ACSM3: variants seen among roughly 807,000 people sequenced by gnomAD.
The protein encoded by ACSM3 is acyl-coenzyme A synthetase ACSM3, mitochondrial.
Under a neutral mutation model 74.1 loss-of-function variants are expected in ACSM3, and 61 were observed. That is an observed-to-expected ratio of 0.82 (90% confidence interval 0.67 to 1.02). The LOEUF is 1.02. Ranked by LOEUF, ACSM3 falls within the 50% of genes least tolerant of loss-of-function variation. The pLI, the probability that ACSM3 is intolerant of heterozygous loss-of-function variation, is 0.00. For missense variants in ACSM3, 660 were observed against 697.0 expected (o/e 0.95, Z 0.60); for synonymous variants, 213 against 241.5 (o/e 0.88, Z 1.09).
chr16:20,790,746 AT>A lies in ACSM3; in HGVS notation c.1326+59del. ...TTTATTTCTCAAGTGCTTGGTAACA[AT>A]CCCTGTTTGCCACAAAACATACCTA... On this transcript the variant is annotated intron_variant, in intron 10 of 13. Coordinates refer to ENST00000289416, the MANE Select transcript of ACSM3 (RefSeq NM_005622.4). This position sits in a 1 kb window ranked among gnomAD's most constrained non-coding sequence, Gnocchi z 4.0. 1 of 1,613,686 alleles carries A rather than the reference AT, an allele frequency of 6.2e-7. No homozygotes were observed. The highest frequency in any genetic ancestry group is 8.5e-7 in the Non-Finnish European group (1 of 1,179,660).
intron 12 of ACSM3, chr16:20,796,044 CTTG>C (rs2080715880): frequency 4.9e-6 from 1 of 203,232 alleles, no homozygotes; most frequent in South Asian, 1.5e-4. Context: ...TCTTCACAGC[CTTG>C]TATAAAGACT....
intron 4 of ACSM3, 142 bp from the exon 5 acceptor site, chr16:20,780,572 T>G: frequency 6.4e-7 from 1 of 1,568,426 alleles, no homozygotes; most frequent in Admixed American, 1.7e-5. Context: ...GTGATGGCTT[T>G]TACCCTGTAA....
chr16:20,794,073 T>C (rs1317127749), intron 12 of ACSM3, among the ~76,000 whole-genome samples: 3 of 152,122 alleles, frequency 2.0e-5, no homozygotes, highest in African/African-American at 7.2e-5. Context: ...TAGTAGAAGA[T>C]GTGAGTGGGT....
At chr16:20,730,827 T>C (rs1020890732) in intron 1 of ACSM3, among the ~76,000 whole-genome samples, 12 of 152,188 alleles carry the variant, frequency 7.9e-5, no homozygotes, top group African/African-American at 2.7e-4. Context: ...CTTATAGAGA[T>C]AGATCAATCT....
chr16:20,716,844 C>T (rs3848254), intron 1 of ACSM3, among the ~76,000 whole-genome samples: 19,811 of 152,152 alleles, frequency 0.13, 1,361 homozygotes, highest in East Asian at 0.21. Context: ...GTAGCCCCCA[C>T]GGCCTGGTAT....
intron 1 of ACSM3, among the ~76,000 whole-genome samples, chr16:20,722,850 T>C (rs2079790580): frequency 1.3e-5 from 2 of 152,164 alleles, no homozygotes; most frequent in African/African-American, 4.8e-5. Flanking sequence ...CCAACAGACA[T>C]ACAGTCATTA....
intron 1 of ACSM3, among the ~76,000 whole-genome samples, chr16:20,748,372 A>T (rs1050097614): frequency 6.6e-6 from 1 of 152,122 alleles, no homozygotes; most frequent in African/African-American, 2.4e-5. Flanking sequence ...TTAAGAATAT[A>T]TTTTAGGGGT....
intron 1 of ACSM3, among the ~76,000 whole-genome samples, chr16:20,684,584 A>T (rs1469609131): frequency 2.0e-5 from 3 of 152,242 alleles, no homozygotes; most frequent in African/African-American, 7.2e-5. Context: ...TATATTCTAC[A>T]ATACAACTTG....
At chr16:20,717,794 G>A (rs1014194643) in intron 1 of ACSM3, among the ~76,000 whole-genome samples, 17 of 151,070 alleles carry the variant, frequency 1.1e-4, no homozygotes, top group Non-Finnish European at 2.4e-4. Flanking sequence ...TAGGCTATAG[G>A]GAGATGAAGC....
At chr16:20,737,093 A>G in intron 1 of ACSM3, 1 of 1,613,772 alleles carries the variant, frequency 6.2e-7, no homozygotes, top group Non-Finnish European at 8.5e-7. Flanking sequence ...CTTCTTTCCC[A>G]TTTCCCTGCT....
At chr16:20,788,346 T>C (rs745911225) in intron 9 of ACSM3, among the ~76,000 whole-genome samples, 8 of 152,230 alleles carry the variant, frequency 5.3e-5, no homozygotes, top group Non-Finnish European at 1.0e-4. Context: ...ATCAGGGTCT[T>C]ACAGGCACAG....
chr16:20,719,909 G>T (rs1212339619), intron 1 of ACSM3, among the ~76,000 whole-genome samples: 1 of 152,232 alleles, frequency 6.6e-6, no homozygotes, highest in Non-Finnish European at 1.5e-5. Context: ...GCTAGATTGA[G>T]ATATCAGATA....
upstream of ACSM3, among the ~76,000 whole-genome samples, chr16:20,762,135 A>G (rs537551382): frequency 6.6e-6 from 1 of 152,304 alleles, no homozygotes; most frequent in South Asian, 2.1e-4. Context: ...CTCCTGCTCA[A>G]AAACTTGCCT....
intron 1 of ACSM3, among the ~76,000 whole-genome samples, chr16:20,712,287 A>G (rs1274054557): frequency 6.6e-6 from 1 of 152,166 alleles, no homozygotes; most frequent in Admixed American, 6.6e-5. Context: ...GATATTTGCT[A>G]TCTGGCCCTT....
intron 1 of ACSM3, chr16:20,741,743 G>A (rs1460080867): frequency 1.2e-5 from 19 of 1,565,462 alleles, no homozygotes; most frequent in Non-Finnish European, 1.6e-5. Context: ...CCGCCATGGT[G>A]TGCGCAAACT....
intron 1 of ACSM3, among the ~76,000 whole-genome samples, chr16:20,675,542 A>G (rs1567300321): frequency 6.6e-6 from 1 of 152,222 alleles, no homozygotes; most frequent in Non-Finnish European, 1.5e-5. Flanking sequence ...AATGGGAGGA[A>G]AAGCATGGAA....
At chr16:20,746,816 C>T (rs912100826) in intron 1 of ACSM3, among the ~76,000 whole-genome samples, 2 of 152,204 alleles carry the variant, frequency 1.3e-5, no homozygotes, top group Admixed American at 6.5e-5. Context: ...TAATTCATTT[C>T]ATTCCACCAG....
chr16:20,740,631 G>A (rs2079909333), intron 1 of ACSM3, among the ~76,000 whole-genome samples: 2 of 152,128 alleles, frequency 1.3e-5, no homozygotes, highest in South Asian at 2.1e-4. Context: ...ATGTGCCCAT[G>A]TCCGAGTCCC....
intron 1 of ACSM3, among the ~76,000 whole-genome samples, chr16:20,728,736 G>A (rs971323760): frequency 6.6e-6 from 1 of 152,122 alleles, no homozygotes; most frequent in Non-Finnish European, 1.5e-5. Context: ...GTTGGGGGGT[G>A]CTAGAGGTGG....
Sources: allele counts gnomAD v4.1 joint callset (sites outside exome capture counted in the v4.1 genomes callset), GRCh38; gene constraint gnomAD v4.1.1; non-coding constraint Gnocchi (gnomAD v3.1); transcripts MANE v1.5; gene names NCBI Gene and HGNC (gene_info 2026-07-23, HGNC 2026-07-21).